The following ADGRA3 variants were observed in gnomAD, a reference collection of about 807,000 sequenced individuals.
ADGRA3 encodes the protein adhesion G protein-coupled receptor A3.
Under a neutral mutation model 119.8 loss-of-function variants are expected in ADGRA3, and 56 were observed. That is an observed-to-expected ratio of 0.47 (90% CI 0.38 to 0.58). The LOEUF is 0.58. Among genes scored for constraint, ADGRA3 ranks in the 20% least tolerant of loss-of-function variants. The pLI, the probability that ADGRA3 is intolerant of heterozygous loss-of-function variation, is 0.00. For missense variants in ADGRA3, 1,516 were observed against 1,649.0 expected, an observed-to-expected ratio of 0.92 and a Z score of 1.40; for synonymous variants, 607 against 623.8, an observed-to-expected ratio of 0.97 and a Z score of 0.40.
At chr4:22,444,671 G>C (rs548463685) in intron 6 of ADGRA3, among the ~76,000 whole-genome samples, 2 of 152,000 alleles carry the variant, frequency 1.3e-5, no homozygotes, top group African/African-American at 4.8e-5. Context: ...TGTTACTACA[G>C]ACAAATTCAC....
chr4:22,399,926 TTA>T (rs1714540547), intron 16 of ADGRA3, among the ~76,000 whole-genome samples: 1 of 152,206 alleles, frequency 6.6e-6, no homozygotes, highest in Admixed American at 6.5e-5. Context: ...CTTTGACCTA[TTA>T]TATCTTTCCA....
At chr4:22,512,859 C>A (rs1262069549) in intron 1 of ADGRA3, among the ~76,000 whole-genome samples, 1 of 152,076 alleles carries the variant, frequency 6.6e-6, no homozygotes, top group Non-Finnish European at 1.5e-5. Flanking sequence ...TAGGCACTAA[C>A]ACACAGTCCA....
chr4:22,452,690 G>A (rs2109088451), intron 4 of ADGRA3, among the ~76,000 whole-genome samples: 1 of 152,300 alleles, frequency 6.6e-6, no homozygotes, highest in Middle Eastern at 3.4e-3. Flanking sequence ...CCTAACAGAA[G>A]CTCTGTCTCA....
chr4:22,479,235 G>A (rs892113074), intron 1 of ADGRA3, among the ~76,000 whole-genome samples: 2 of 152,060 alleles, frequency 1.3e-5, no homozygotes, highest in African/African-American at 2.4e-5. Context: ...AGGCCGAGGC[G>A]GGCGGATCAT....
At chr4:22,487,795 G>T (rs1364278998) in intron 1 of ADGRA3, among the ~76,000 whole-genome samples, 1 of 152,168 alleles carries the variant, frequency 6.6e-6, no homozygotes, top group Non-Finnish European at 1.5e-5. Context: ...ACTCAAATTT[G>T]TGTTGTTAAA....
intron 1 of ADGRA3, among the ~76,000 whole-genome samples, chr4:22,499,232 G>A (rs914239204): frequency 2.0e-5 from 3 of 152,172 alleles, no homozygotes; most frequent in Non-Finnish European, 4.4e-5. Context: ...TAACTTCTGT[G>A]GCTTTGAAAA....
At chr4:22,423,580 T>C (rs2290953) in intron 11 of ADGRA3, among the ~76,000 whole-genome samples, 3 of 152,056 alleles carry the variant, frequency 2.0e-5, no homozygotes, top group African/African-American at 7.3e-5. Flanking sequence ...GTTCAATTTA[T>C]CATAAATAAA....
At chr4:22,487,132 T>A (rs1718457013) in intron 1 of ADGRA3, among the ~76,000 whole-genome samples, 1 of 152,222 alleles carries the variant, frequency 6.6e-6, no homozygotes, top group African/African-American at 2.4e-5. Flanking sequence ...CTGGGGTTCA[T>A]AAACATTCCT....
At chr4:22,495,892 G>A (rs1718804788) in intron 1 of ADGRA3, among the ~76,000 whole-genome samples, 1 of 151,342 alleles carries the variant, frequency 6.6e-6, no homozygotes, top group East Asian at 1.9e-4. Context: ...CTGGGGGACA[G>A]AGCAAGACTC....
chr4:22,469,468 C>A (rs1035979621), intron 2 of ADGRA3, among the ~76,000 whole-genome samples: 7 of 152,138 alleles, frequency 4.6e-5, no homozygotes, highest in Admixed American at 2.6e-4. Flanking sequence ...TGACCCACAC[C>A]CACTTCTTCC....
intron 12 of ADGRA3, 154 bp downstream of exon 12, chr4:22,420,732 C>G (rs575628843): frequency 2.8e-6 from 2 of 708,718 alleles, no homozygotes; most frequent in African/African-American, 3.5e-5. Flanking sequence ...GCAGTTCTTC[C>G]TGGTTAGTTT....
intron 1 of ADGRA3, among the ~76,000 whole-genome samples, chr4:22,480,178 T>A (rs988399643): frequency 6.6e-6 from 1 of 151,888 alleles, no homozygotes; most frequent in Non-Finnish European, 1.5e-5. Flanking sequence ...GAAAGAAAAA[T>A]CGGCAAAAGG....
At chr4:22,513,081 T>A (rs1456770378) in intron 1 of ADGRA3, among the ~76,000 whole-genome samples, 1 of 151,376 alleles carries the variant, frequency 6.6e-6, no homozygotes, top group African/African-American at 2.4e-5. Context: ...AACTGGCCCA[T>A]AAGACCCCTC....
Position 22,445,095 on chromosome 4 carries a change from A to G in ADGRA3, c.584T>C (p.Ile195Thr), listed in dbSNP as rs1223419576. 11 of 1,613,872 alleles carry G rather than the reference A, an allele frequency of 6.8e-6. No homozygotes were observed. The highest frequency in any genetic ancestry group is 8.5e-6 in the Non-Finnish European group (10 of 1,179,884). ...CTTTACCCAGCGATGCATCCACAGT[A>G]TGTTACAGTCACACAAAAGATACTC... is the stretch of plus-strand genomic sequence containing the variant. ...QTEYLLCDCN[I>T]LWMHRWVKEK... Residue 195 changes from isoleucine to threonine, a missense_variant, in exon 6 of 19, where the codon ATA (isoleucine) becomes ACA (threonine). Transcript: ENST00000334304.
At chr4:22,488,455 A>C (rs1272272297) in intron 1 of ADGRA3, among the ~76,000 whole-genome samples, 3 of 152,194 alleles carry the variant, frequency 2.0e-5, no homozygotes, top group Non-Finnish European at 4.4e-5. Context: ...AGATGAGCTC[A>C]GTTGGTGCCT....
chr4:22,449,032 G>C (rs944483856), intron 4 of ADGRA3, among the ~76,000 whole-genome samples: 1 of 152,076 alleles, frequency 6.6e-6, no homozygotes, highest in African/African-American at 2.4e-5. Context: ...CAATTTGGGA[G>C]GGCTGAGGTG....
chr4:22,406,477 T>G (rs1240261781), intron 14 of ADGRA3, among the ~76,000 whole-genome samples: 1 of 152,162 alleles, frequency 6.6e-6, no homozygotes, highest in Non-Finnish European at 1.5e-5. Context: ...ATTCTGTTAT[T>G]TTTTGTCTTT....
intron 1 of ADGRA3, among the ~76,000 whole-genome samples, chr4:22,476,316 CA>C: frequency 6.6e-6 from 1 of 152,224 alleles, no homozygotes; most frequent in East Asian, 1.9e-4. Context: ...CGGCACTCAC[CA>C]AACTGACAAA....
At chr4:22,438,103 T>C (rs1184614818) in intron 8 of ADGRA3, among the ~76,000 whole-genome samples, 153 bp downstream of exon 8, 2 of 152,214 alleles carry the variant, frequency 1.3e-5, no homozygotes, top group African/African-American at 2.4e-5. Context: ...CATCTCCATA[T>C]GTGATTCTGA....
Sources: allele counts gnomAD v4.1 joint callset (sites outside exome capture counted in the v4.1 genomes callset), GRCh38; gene constraint gnomAD v4.1.1; transcripts MANE v1.5; gene names NCBI Gene and HGNC (gene_info 2026-07-23, HGNC 2026-07-21).